Variants in SLC26A7 observed in about 807,000 individuals in gnomAD.
SLC26A7 encodes the protein solute carrier family 26 member 7, also known as anion exchange transporter.
A neutral mutation model predicts 82.5 loss-of-function variants in SLC26A7; 59 were observed. The ratio of observed to expected loss-of-function variants is 0.72; its 90% CI spans 0.58 to 0.89. SLC26A7 has a LOEUF of 0.89. Ranked by LOEUF, SLC26A7 falls within the 40% of genes least tolerant of loss-of-function variation. The probability of loss-of-function intolerance (pLI) is 0.00; values close to 1 mark genes in which losing one functional copy is unlikely to be tolerated. For missense variants in SLC26A7, 820 were observed against 793.0 expected (o/e 1.03, Z -0.41); for synonymous variants, 271 against 274.3 (o/e 0.99, Z 0.12).
chr8:91,226,908 A>G (rs1281806516), intron 2 of SLC26A7, among the ~76,000 whole-genome samples: 1 of 152,230 alleles, frequency 6.6e-6, no homozygotes, highest in Non-Finnish European at 1.5e-5. Flanking sequence ...TGTGCTAAAA[A>G]AATTCATGAC....
At chr8:91,313,726 G>A (rs1385687073) in intron 4 of SLC26A7, among the ~76,000 whole-genome samples, 1 of 152,048 alleles carries the variant, frequency 6.6e-6, no homozygotes, top group African/African-American at 2.4e-5. Context: ...TGTATCTTTA[G>A]CTGTGTAATC....
chr8:91,389,433 GT>G lies in SLC26A7; in HGVS notation c.1773del (p.Glu592ArgfsTer15). The G allele has an allele frequency of 6.2e-7, 1 of 1,609,892 alleles. No homozygotes were observed. On this transcript the variant is annotated frameshift_variant, in exon 16 of 19. Coordinates refer to ENST00000276609, the MANE Select transcript of SLC26A7 (RefSeq NM_052832.4). LOFTEE classifies it high-confidence loss of function. ...FFDYSGVSML[V>X]EVYMDCKGRS... Reference sequence around the variant, plus strand: ...TGACTATTCTGGAGTCTCCATGCTTGTTGAGGTATTTATGGAACTTGTGTTT... The same window carrying G: ...TGACTATTCTGGAGTCTCCATGCTTGTGAGGTATTTATGGAACTTGTGTTT...
chr8:91,395,258 C>T lies in SLC26A7; in HGVS notation c.*161C>T. The T allele has an allele frequency of 7.2e-7, 1 of 1,390,762 alleles. No homozygotes were observed. The highest frequency in any genetic ancestry group is 9.3e-7 in the Non-Finnish European group (1 of 1,070,586). The allele number at this position is 1,390,762 out of a possible 1,614,324, so 86.2% of individuals were successfully genotyped here. The stretch of plus-strand genomic sequence containing the variant: ...ACTGCATAGCAGTTGGAAAGAACTG[C>T]CAACTTTTTTTTCTCATTTTTGTTA... On this transcript the variant is annotated 3_prime_UTR_variant, in exon 19 of 19. Transcript: ENST00000276609.
intron 13 of SLC26A7, 120 bp downstream of exon 13, chr8:91,363,658 T>C: frequency 1.8e-6 from 1 of 543,006 alleles, no homozygotes; most frequent in Non-Finnish European, 3.2e-6. Context: ...TTTTAATTAG[T>C]ATAAACTTCC....
At chr8:91,359,527 A>C (rs1452435070) in intron 11 of SLC26A7, among the ~76,000 whole-genome samples, 1 of 152,176 alleles carries the variant, frequency 6.6e-6, no homozygotes, top group African/African-American at 2.4e-5. Context: ...ACTTGGAGTA[A>C]GTAAGCAATG....
intron 3 of SLC26A7, among the ~76,000 whole-genome samples, chr8:91,293,540 C>T (rs1202258921): frequency 6.6e-6 from 1 of 152,150 alleles, no homozygotes; most frequent in African/African-American, 2.4e-5. Flanking sequence ...GGTGGATATG[C>T]CTGTACCCAT....
intron 4 of SLC26A7, among the ~76,000 whole-genome samples, chr8:91,298,848 T>C (rs1812085594): frequency 6.6e-6 from 1 of 152,148 alleles, no homozygotes; most frequent in Non-Finnish European, 1.5e-5. Flanking sequence ...TAGAATGAGA[T>C]TACTGGGTCA....
At chr8:91,375,004 T>A (rs1322617930) in intron 15 of SLC26A7, among the ~76,000 whole-genome samples, 1 of 152,062 alleles carries the variant, frequency 6.6e-6, no homozygotes, top group Non-Finnish European at 1.5e-5. Context: ...TTTCTTTCTT[T>A]TTTTTTGCCA....
At chr8:91,224,386 A>G (rs763969254) in intron 2 of SLC26A7, among the ~76,000 whole-genome samples, 47 of 151,892 alleles carry the variant, frequency 3.1e-4, no homozygotes, top group African/African-American at 1.1e-3. Flanking sequence ...GTTGTTGTTG[A>G]TGCTGTTGTG....
intron 2 of SLC26A7, among the ~76,000 whole-genome samples, chr8:91,234,690 A>G (rs1174092801): frequency 1.3e-5 from 2 of 152,150 alleles, no homozygotes; most frequent in African/African-American, 4.8e-5. Flanking sequence ...AAAATTGAAA[A>G]TAATCTTCTC....
At chr8:91,354,821 T>C (rs537915571) in intron 11 of SLC26A7, among the ~76,000 whole-genome samples, 51 of 152,258 alleles carry the variant, frequency 3.3e-4, no homozygotes, top group African/African-American at 1.1e-3. Flanking sequence ...AGGAGCATCA[T>C]TGGAGGAAGA....
intron 2 of SLC26A7, among the ~76,000 whole-genome samples, chr8:91,260,673 T>C (rs1461469382): frequency 6.6e-6 from 1 of 152,120 alleles, no homozygotes; most frequent in African/African-American, 2.4e-5. Flanking sequence ...GGCTCCTCTC[T>C]TCATGGGAAC....
chr8:91,381,833 T>C (rs753016868), intron 15 of SLC26A7, among the ~76,000 whole-genome samples: 35 of 152,194 alleles, frequency 2.3e-4, no homozygotes, highest in Non-Finnish European at 5.0e-4. Flanking sequence ...GCTTATTTTT[T>C]ATTTCACTTC....
intron 4 of SLC26A7, 106 bp from the exon 5 acceptor site, chr8:91,318,110 C>T (rs1812691122): frequency 2.0e-6 from 2 of 980,748 alleles, no homozygotes; most frequent in South Asian, 1.8e-5. Flanking sequence ...TGTCAGTTCT[C>T]TATGATTCTA....
intron 4 of SLC26A7, among the ~76,000 whole-genome samples, chr8:91,300,579 A>G (rs1377618847): frequency 1.3e-5 from 2 of 151,862 alleles, no homozygotes; most frequent in Non-Finnish European, 2.9e-5. Context: ...TTGTATTTTT[A>G]GTAGAGACGG....
chr8:91,271,294 C>A (rs1586346067), intron 2 of SLC26A7, among the ~76,000 whole-genome samples: 2 of 152,054 alleles, frequency 1.3e-5, no homozygotes, highest in East Asian at 3.9e-4. Flanking sequence ...TTGTTGTATG[C>A]TGCATATTCT....
intron 9 of SLC26A7, among the ~76,000 whole-genome samples, chr8:91,351,313 C>T (rs921235): frequency 0.39 from 59,527 of 151,956 alleles, 12,499 homozygotes; most frequent in African/African-American, 0.51. Context: ...TATAACTACT[C>T]CACAACTTGA....
chr8:91,262,042 ACC>A (rs1391145020), intron 2 of SLC26A7, among the ~76,000 whole-genome samples: 1 of 151,972 alleles, frequency 6.6e-6, no homozygotes, highest in Non-Finnish European at 1.5e-5. Context: ...TTCAACTTTG[ACC>A]CTTCCACTTA....
intron 15 of SLC26A7, among the ~76,000 whole-genome samples, chr8:91,383,863 G>A (rs1202422034): frequency 6.6e-6 from 1 of 152,104 alleles, no homozygotes; most frequent in African/African-American, 2.4e-5. Context: ...TCATGCTCTT[G>A]TTCACTCAGT....
Sources: allele counts gnomAD v4.1 joint callset (sites outside exome capture counted in the v4.1 genomes callset), GRCh38; gene constraint gnomAD v4.1.1; transcripts MANE v1.5; gene names NCBI Gene and HGNC (gene_info 2026-07-23, HGNC 2026-07-21).